Variants in APBB1IP observed in about 807,000 individuals in gnomAD.
The protein encoded by APBB1IP is amyloid beta precursor protein binding family B member 1 interacting protein, also known as amyloid beta A4 precursor protein-binding family B member 1-interacting protein.
In APBB1IP, 27 loss-of-function variants were observed where a neutral mutation model predicts 64.9. That is an observed-to-expected ratio of 0.42 (90% CI 0.31 to 0.57). The LOEUF is 0.57. APBB1IP is among the 20% of genes least tolerant of loss of function. The probability of loss-of-function intolerance (pLI) is 0.20; values close to 1 mark genes in which losing one functional copy is unlikely to be tolerated. For missense variants in APBB1IP, 812 were observed against 845.5 expected, an observed-to-expected ratio of 0.96 and a Z score of 0.49; for synonymous variants, 392 against 331.0, an observed-to-expected ratio of 1.18 and a Z score of -2.00.
chr10:26,445,388 T>C (rs1835385507), intron 2 of APBB1IP, among the ~76,000 whole-genome samples: 1 of 152,164 alleles, frequency 6.6e-6, no homozygotes, highest in Non-Finnish European at 1.5e-5. Context: ...AAGAAATGAA[T>C]ACTTAAAAGC....
intron 2 of APBB1IP, among the ~76,000 whole-genome samples, chr10:26,455,253 G>A (rs1305194703): frequency 6.6e-6 from 1 of 152,136 alleles, no homozygotes; most frequent in Non-Finnish European, 1.5e-5. Context: ...GTCAGGCCTG[G>A]GCACAGTGGC....
At chr10:26,556,662 G>A (rs900587198) in intron 11 of APBB1IP, among the ~76,000 whole-genome samples, 15 of 152,188 alleles carry the variant, frequency 9.9e-5, no homozygotes, top group African/African-American at 3.4e-4. Context: ...ATAAGCAGTT[G>A]CTTTGTGCAT....
chr10:26,531,397 G>A (rs1836551492), intron 8 of APBB1IP, among the ~76,000 whole-genome samples: 2 of 152,034 alleles, frequency 1.3e-5, no homozygotes, highest in Admixed American at 1.3e-4. Flanking sequence ...GCCAGGCGCG[G>A]TGGCTCATGC....
intron 2 of APBB1IP, among the ~76,000 whole-genome samples, chr10:26,460,836 A>G (rs375121610): frequency 7.2e-5 from 11 of 152,130 alleles, no homozygotes; most frequent in South Asian, 6.2e-4. Flanking sequence ...AAGAATAGCT[A>G]ATGGATGCTG....
chr10:26,562,141 G>C, intron 13 of APBB1IP, 185 bp from the exon 14 acceptor site: 1 of 511,072 alleles, frequency 2.0e-6, no homozygotes. Flanking sequence ...AAGGTTTTGT[G>C]TACCATGCCA....
intron 8 of APBB1IP, among the ~76,000 whole-genome samples, chr10:26,516,015 A>G (rs1183137970): frequency 6.6e-6 from 1 of 152,176 alleles, no homozygotes; most frequent in African/African-American, 2.4e-5. Context: ...ATGCTTCTAT[A>G]CTTTTTAAAC....
At chr10:26,481,810 G>T (rs1040669224) in intron 2 of APBB1IP, among the ~76,000 whole-genome samples, 1 of 145,596 alleles carries the variant, frequency 6.9e-6, no homozygotes, top group African/African-American at 2.6e-5. Context: ...TTAAAATGTG[G>T]TAGCCCATCT....
At chr10:26,501,266 A>C (rs1223152221) in intron 5 of APBB1IP, 155 bp downstream of exon 5, 16 of 1,094,824 alleles carry the variant, frequency 1.5e-5, no homozygotes, top group East Asian at 5.1e-5. Flanking sequence ...CAAAGCTAGA[A>C]CCCTCCGTAA....
Position 26,567,500 on chromosome 10 carries a change from ATGAG to A in APBB1IP, c.*15_*18del. ...GCAACGTGTCCTAGGGACGGGCATG[ATGAG>A]TGTTCCAGAGGGAGAAGCATCGCTG... is the stretch of plus-strand genomic sequence containing the variant. On this transcript the variant is annotated 3_prime_UTR_variant, in exon 15 of 15. Transcript: ENST00000376236. 1 of 1,552,980 alleles carries A rather than the reference ATGAG, an allele frequency of 6.4e-7. No homozygotes were observed. The highest frequency in any genetic ancestry group is 8.8e-7 in the Non-Finnish European group (1 of 1,139,514).
In APBB1IP at chr10:26,482,352, G is replaced by A. The variant is rs369487583; in HGVS notation, c.1-9975G>A. On this transcript the variant is annotated intron_variant, in intron 2 of 14. Coordinates refer to ENST00000376236, the MANE Select transcript of APBB1IP (RefSeq NM_019043.4). The stretch of plus-strand genomic sequence containing the variant: ...GCTTCCCCTTTCTCCTCCCTCAAAC[G>A]TTGCAAGAACCTTTAACCATATGCT... Among the ~76,000 whole-genome samples, 144 of 152,186 alleles carry A rather than the reference G, an allele frequency of 9.5e-4. 2 individuals carry two copies. In the South Asian group the frequency reaches 0.025, roughly 27 times the overall value.
chr10:26,463,035 T>G (rs1234186716), intron 2 of APBB1IP, among the ~76,000 whole-genome samples: 2 of 152,170 alleles, frequency 1.3e-5, no homozygotes, highest in African/African-American at 4.8e-5. Context: ...AGATCTACCC[T>G]TTGGGTTGGA....
chr10:26,450,194 G>A (rs1835449589), intron 2 of APBB1IP, among the ~76,000 whole-genome samples: 1 of 152,120 alleles, frequency 6.6e-6, no homozygotes, highest in Non-Finnish European at 1.5e-5. Flanking sequence ...TTTATTGGAA[G>A]GCTTATAAAT....
intron 2 of APBB1IP, among the ~76,000 whole-genome samples, chr10:26,451,279 G>T (rs1362075040): frequency 1.3e-5 from 2 of 152,050 alleles, no homozygotes; most frequent in African/African-American, 4.8e-5. Flanking sequence ...GATAGAGGTG[G>T]GTTCTCACTA....
chr10:26,472,443 G>C (rs537788696), intron 2 of APBB1IP, among the ~76,000 whole-genome samples: 1 of 152,276 alleles, frequency 6.6e-6, no homozygotes, highest in African/African-American at 2.4e-5. Context: ...ACTTCTGAAG[G>C]AGTTCAGTTT....
chr10:26,446,491 C>G (rs1297757276), intron 2 of APBB1IP, among the ~76,000 whole-genome samples: 2 of 152,128 alleles, frequency 1.3e-5, no homozygotes, highest in Admixed American at 1.3e-4. Context: ...AAAAGATGGC[C>G]GGCCGTGAGA....
chr10:26,530,253 G>T (rs1206193133), intron 8 of APBB1IP, among the ~76,000 whole-genome samples: 3 of 138,536 alleles, frequency 2.2e-5, no homozygotes, highest in Admixed American at 7.7e-5. Context: ...TTTGAGACGA[G>T]GCCCCCACTG....
intron 2 of APBB1IP, among the ~76,000 whole-genome samples, chr10:26,450,162 G>A (rs1356357322): frequency 6.6e-6 from 1 of 152,212 alleles, no homozygotes; most frequent in East Asian, 1.9e-4. Context: ...GATCAAACAC[G>A]GGCATTGGAA....
chr10:26,462,840 C>T (rs895593864), intron 2 of APBB1IP, among the ~76,000 whole-genome samples: 9 of 152,206 alleles, frequency 5.9e-5, no homozygotes, highest in East Asian at 5.8e-4. Context: ...TTTTTAATCT[C>T]GATGCTTCAT....
At chr10:26,446,875 G>GAGATAGAT (rs1835404812) in intron 2 of APBB1IP, among the ~76,000 whole-genome samples, 1 of 151,402 alleles carries the variant, frequency 6.6e-6, no homozygotes, top group African/African-American at 2.4e-5. Flanking sequence ...GATAGATAGA[G>GAGATAGAT]AGAGAGATAG....
Sources: gnomAD v4.1 joint callset for allele counts (sites outside exome capture counted in the v4.1 genomes callset) on GRCh38, gnomAD v4.1.1 for gene constraint, MANE v1.5 for transcripts, NCBI Gene and HGNC (gene_info 2026-07-23, HGNC 2026-07-21) for gene names.